The following RHOBTB1 variants were observed in gnomAD, a reference collection of about 807,000 sequenced individuals.
The protein encoded by RHOBTB1 is rho-related BTB domain-containing protein 1.
Under a neutral mutation model 71.6 loss-of-function variants are expected in RHOBTB1, and 40 were observed. That is an observed-to-expected ratio of 0.56 (90% CI 0.43 to 0.73). The LOEUF is 0.73. Among genes scored for constraint, RHOBTB1 ranks in the 30% least tolerant of loss-of-function variants. RHOBTB1 has a pLI of 0.00. For synonymous variants in RHOBTB1, 319 were observed against 334.9 expected (o/e 0.95, Z 0.52); for missense variants, 797 against 894.0 (o/e 0.89, Z 1.38).
chr10:60,998,626 G>C (rs2087143544), intron 1 of RHOBTB1, among the ~76,000 whole-genome samples: 1 of 152,120 alleles, frequency 6.6e-6, no homozygotes, highest in Non-Finnish European at 1.5e-5. Context: ...GGAAGGAAGG[G>C]GGTGGAAAAA....
intron 1 of RHOBTB1, among the ~76,000 whole-genome samples, chr10:60,993,054 C>A (rs564787019): frequency 6.6e-6 from 1 of 151,996 alleles, no homozygotes; most frequent in African/African-American, 2.4e-5. Flanking sequence ...ACGAGGGCTT[C>A]GGGCATTTTA....
chr10:60,981,883 C>T (rs1230634842), intron 2 of RHOBTB1, among the ~76,000 whole-genome samples: 1 of 152,078 alleles, frequency 6.6e-6, no homozygotes, highest in Non-Finnish European at 1.5e-5. Context: ...GATTCTCCTG[C>T]TTCAGCCTCC....
chr10:60,876,016 T>C (rs2081035407), intron 8 of RHOBTB1, among the ~76,000 whole-genome samples: 1 of 152,228 alleles, frequency 6.6e-6, no homozygotes, highest in Non-Finnish European at 1.5e-5. Context: ...GCATGCTTAT[T>C]GGTCAGTATG....
At chr10:60,942,859 A>ATTTT (rs11414207) in intron 1 of RHOBTB1, among the ~76,000 whole-genome samples, 12 of 148,318 alleles carry the variant, frequency 8.1e-5, no homozygotes, top group African/African-American at 2.7e-4. Flanking sequence ...CGATAACGGT[A>ATTTT]TTTTTTTTTT....
intron 2 of RHOBTB1, among the ~76,000 whole-genome samples, chr10:60,976,484 T>A (rs1299533112): frequency 6.6e-6 from 1 of 151,968 alleles, no homozygotes; most frequent in East Asian, 1.9e-4. Context: ...TATACTGAAG[T>A]ACAGCCCCGT....
intron 3 of RHOBTB1, 118 bp downstream of exon 3, chr10:60,911,233 A>G (rs2082951916): frequency 1.9e-6 from 2 of 1,065,748 alleles, no homozygotes; most frequent in Non-Finnish European, 2.6e-6. Flanking sequence ...CGTGGCACTA[A>G]AAAGGTTAGT....
At chr10:60,948,158 G>A (rs143633723), upstream of RHOBTB1, among the ~76,000 whole-genome samples, 273 of 151,838 alleles carry the variant, frequency 1.8e-3, no homozygotes, top group African/African-American at 6.4e-3. Flanking sequence ...TTTTATAATT[G>A]GATTGTCTGT....
intron 6 of RHOBTB1, among the ~76,000 whole-genome samples, chr10:60,886,582 G>T (rs189805306): frequency 1.3e-5 from 2 of 152,132 alleles, no homozygotes; most frequent in East Asian, 3.9e-4. Context: ...TAACATTTTG[G>T]CATGTTTGTT....
intron 2 of RHOBTB1, among the ~76,000 whole-genome samples, chr10:60,954,964 T>C (rs777888817): frequency 3.5e-4 from 54 of 152,126 alleles, no homozygotes; most frequent in Middle Eastern, 3.4e-3. Flanking sequence ...AAGTAAATTA[T>C]GCATTTATAA....
chr10:60,958,223 T>A (rs1244963086), intron 2 of RHOBTB1, among the ~76,000 whole-genome samples: 2 of 152,168 alleles, frequency 1.3e-5, no homozygotes, highest in African/African-American at 4.8e-5. Flanking sequence ...TGAAAAAATT[T>A]AGTTTTGAGC....
At chr10:60,990,413 T>C (rs1398473480) in intron 1 of RHOBTB1, among the ~76,000 whole-genome samples, 1 of 152,186 alleles carries the variant, frequency 6.6e-6, no homozygotes, top group African/African-American at 2.4e-5. Flanking sequence ...ATGCAAGACA[T>C]GAACACGTAA....
chr10:60,977,999 G>A (rs1416483548), intron 2 of RHOBTB1, among the ~76,000 whole-genome samples: 1 of 151,988 alleles, frequency 6.6e-6, no homozygotes, highest in East Asian at 1.9e-4. Context: ...TATAAAATGG[G>A]AAAATAAAAT....
At chr10:60,872,379 A>G (rs2080836147) in intron 9 of RHOBTB1, 89 bp from the exon 10 acceptor site, 2 of 897,972 alleles carry the variant, frequency 2.2e-6, no homozygotes, top group Non-Finnish European at 3.7e-6. Flanking sequence ...GGGTGAAAAG[A>G]AATGAAGGGC....
chr10:60,971,009 T>C (rs1003587505), intron 2 of RHOBTB1, among the ~76,000 whole-genome samples: 3 of 151,996 alleles, frequency 2.0e-5, no homozygotes, highest in Non-Finnish European at 4.4e-5. Context: ...AAATCATACA[T>C]ATAAAGTTTT....
At chr10:60,904,468 C>T (rs183520996) in intron 4 of RHOBTB1, among the ~76,000 whole-genome samples, 71 of 152,246 alleles carry the variant, frequency 4.7e-4, no homozygotes, top group African/African-American at 1.5e-3. Flanking sequence ...ATCTACTTTC[C>T]GTCACTATAG....
chr10:60,923,048 G>A (rs2133782579), intron 2 of RHOBTB1, among the ~76,000 whole-genome samples: 1 of 152,290 alleles, frequency 6.6e-6, no homozygotes, highest in Non-Finnish European at 1.5e-5. Context: ...GACTTCCTGG[G>A]ATGCTATCAT....
At chr10:60,929,330 A>T (rs1589338445) in intron 2 of RHOBTB1, among the ~76,000 whole-genome samples, 1 of 152,314 alleles carries the variant, frequency 6.6e-6, no homozygotes, top group East Asian at 1.9e-4. Context: ...TTAAAAAAAC[A>T]GATTCTTGAA....
At chr10:60,935,316 C>T (rs192701526) in intron 2 of RHOBTB1, among the ~76,000 whole-genome samples, 1 of 152,144 alleles carries the variant, frequency 6.6e-6, no homozygotes, top group East Asian at 1.9e-4. Flanking sequence ...ATAAGGGTTA[C>T]ATTGATTGGG....
In RHOBTB1 at chr10:60,893,635, C is replaced by T. The variant is rs547856598; in HGVS notation, c.297-640G>A. 1.8e-4 allele frequency among the ~76,000 whole-genome samples: 27 copies of T among 151,968 alleles called. No homozygotes were observed. In the South Asian group the frequency reaches 3.5e-3, roughly 20 times the overall value. On this transcript the variant is annotated intron_variant, in intron 4 of 10. Coordinates refer to ENST00000337910, the MANE Select transcript of RHOBTB1 (RefSeq NM_014836.5). ...AGGTAATATTTAACATATAACTAGG[C>T]GAGAATTAGATTGATGACTAACAAG...
Sources: allele counts gnomAD v4.1 joint callset (sites outside exome capture counted in the v4.1 genomes callset), GRCh38; gene constraint gnomAD v4.1.1; transcripts MANE v1.5; gene names NCBI Gene and HGNC (gene_info 2026-07-23, HGNC 2026-07-21).